The following DCLRE1B variants were observed in gnomAD, a reference collection of about 807,000 sequenced individuals.
The protein encoded by DCLRE1B is DNA cross-link repair 1B, also known as 5' exonuclease Apollo.
DCLRE1B carries 6 observed loss-of-function variants against 19.8 expected under a neutral mutation model. The observed-to-expected ratio is 0.30, with a 90% confidence interval of 0.17 to 0.60. The LOEUF is 0.60. Ranked by LOEUF, DCLRE1B falls within the 20% of genes least tolerant of loss-of-function variation. The probability of loss-of-function intolerance (pLI) is 0.87; values close to 1 mark genes in which losing one functional copy is unlikely to be tolerated. For missense variants in DCLRE1B, 622 were observed against 654.2 expected (o/e 0.95, Z 0.54); for synonymous variants, 258 against 255.7 (o/e 1.01, Z -0.09).
intron 3 of DCLRE1B, among the ~76,000 whole-genome samples, chr1:113,910,511 T>A (rs1386738562): frequency 1.3e-5 from 2 of 152,200 alleles, no homozygotes; most frequent in Non-Finnish European, 2.9e-5. Context: ...TTTTTTTGTT[T>A]TTTTTTAAGA....
chr1:113,912,451 T>C lies in DCLRE1B; in HGVS notation c.*260T>C. On this transcript the variant is annotated 3_prime_UTR_variant, in exon 4 of 4. Coordinates refer to ENST00000650450, the MANE Select transcript of DCLRE1B (RefSeq NM_022836.4). ...GAGTATGCGTGAGCAAATTAAAAGT[T>C]CTTTGAAGTCCTACAGTAACTTAAT... 2.8e-6 allele frequency: 1 copy of C among 354,764 alleles called. No homozygotes were observed. The highest frequency in any genetic ancestry group is 4.9e-5 in the East Asian group (1 of 20,618). The allele number at this position is 354,764 out of a possible 1,614,324, so 22.0% of individuals were successfully genotyped here.
chr1:113,904,777 C>G, upstream of DCLRE1B: 1 of 1,376,480 alleles, frequency 7.3e-7, no homozygotes, highest in East Asian at 2.3e-5. Flanking sequence ...GGCTCCTTCT[C>G]GTCCTGATGT....
chr1:113,906,928 T>C, intron 1 of DCLRE1B, 68 bp from the exon 2 acceptor site: 4 of 1,563,570 alleles, frequency 2.6e-6, no homozygotes, highest in Non-Finnish European at 2.6e-6. Context: ...ATGTAAGGGA[T>C]AGTCCCTGAC....
upstream of DCLRE1B, chr1:113,904,884 C>A: frequency 1.5e-6 from 1 of 666,592 alleles, no homozygotes; most frequent in Non-Finnish European, 2.7e-6. Flanking sequence ...CTGGCCCTGA[C>A]ACACTTCCAC....
chr1:113,905,234 T>G (rs28364565), upstream of DCLRE1B: 257 of 344,996 alleles, frequency 7.4e-4, 2 homozygotes, highest in African/African-American at 5.1e-3. Flanking sequence ...AACCTCTCAC[T>G]CTCCAGGCGC....
Position 113,907,152 on chromosome 1 carries a change from C to T in DCLRE1B, c.346C>T (p.Leu116Phe), listed in dbSNP as rs751930858. The change falls in exon 2 of 4, where the codon CTC (leucine) becomes TTC (phenylalanine). Residue 116 changes from leucine to phenylalanine, a missense_variant. Physicochemically the swap from Leu to Phe is conservative, Grantham distance 22. This residue lies in a region of DCLRE1B where 237 missense variants were observed against 223.8 expected (regional missense o/e 1.06). Coordinates refer to ENST00000650450, the MANE Select transcript of DCLRE1B (RefSeq NM_022836.4). ...CTTTGAAGGATATTTTGGAACCATC[C>T]TCTACACAGGTGGGCCTCTCAAGGA... is the stretch of plus-strand genomic sequence containing the variant. ...FLFEGYFGTI[L>F]YTGDFRYTPS... is the part of the protein sequence containing the mutation. 2 of 1,600,860 alleles carry T rather than the reference C, an allele frequency of 1.2e-6. No individual in the cohort carries two copies. Among genetic ancestry groups the T allele is most frequent in the Non-Finnish European group, 1.7e-6 (2 of 1,173,362 alleles).
At chr1:113,904,952 C>G (rs1180253179), upstream of DCLRE1B, 2 of 502,242 alleles carry the variant, frequency 4.0e-6, no homozygotes, top group Non-Finnish European at 7.3e-6. Context: ...CGTCGGCCGG[C>G]AGGCCGTTCG....
At chr1:113,906,088 G>C (rs896379566) in intron 1 of DCLRE1B, among the ~76,000 whole-genome samples, 13 of 115,920 alleles carry the variant, frequency 1.1e-4, no homozygotes, top group African/African-American at 4.2e-4. Flanking sequence ...ACGGAGTCTC[G>C]CTCTGTTGCC....
rs895943512 is a variant in DCLRE1B at position 113,913,577 on chromosome 1, G to A, written c.*1386G>A. On this transcript the variant is annotated 3_prime_UTR_variant, in exon 4 of 4. Coordinates refer to ENST00000650450, the MANE Select transcript of DCLRE1B (RefSeq NM_022836.4). ...ACCCTGAGCAATTACTTAAATTGTGGAGCCTAGTTCCTCATCTGTAAGATG... is the reference window on the plus strand; with the variant it reads ...ACCCTGAGCAATTACTTAAATTGTGAAGCCTAGTTCCTCATCTGTAAGATG... 2.0e-5 allele frequency: 3 copies of A among 152,606 alleles called. No individual in the cohort carries two copies. Among genetic ancestry groups the A allele is most frequent in the Non-Finnish European group, 4.4e-5 (3 of 68,034 alleles). 9.5% of individuals were successfully genotyped at this position (152,606 alleles called of 1,614,324 possible). A position where few individuals can be genotyped will look rare whatever the true frequency, so the allele number is the denominator to read the frequency against.
chr1:113,912,348 T>C lies in DCLRE1B; in HGVS notation c.*157T>C. On this transcript the variant is annotated 3_prime_UTR_variant, in exon 4 of 4. Coordinates refer to ENST00000650450, the MANE Select transcript of DCLRE1B (RefSeq NM_022836.4). ...GTGGAGCAGCACTTCCCAAAACTTG[T>C]TCACTGGGGTCCTCGTGCCTATGGA... 1 of 635,042 alleles carries C rather than the reference T, an allele frequency of 1.6e-6. No homozygotes were observed. The highest frequency in any genetic ancestry group is 2.7e-5 in the South Asian group (1 of 37,294). 39.3% of individuals were successfully genotyped at this position (635,042 alleles called of 1,614,324 possible). A position where few individuals can be genotyped will look rare whatever the true frequency, so the allele number is the denominator to read the frequency against.
rs1263849205 is a variant in DCLRE1B, at chr1:113,913,187, T to TCATA, written c.*997_*1000dup. 6.5e-5 allele frequency: 10 copies of TCATA among 152,874 alleles called. No homozygotes were observed. The South Asian group carries it at 1.2e-3, about 19-fold the overall frequency. 9.5% of individuals were successfully genotyped at this position (152,874 alleles called of 1,614,324 possible). A position where few individuals can be genotyped will look rare whatever the true frequency, so the allele number is the denominator to read the frequency against. On this transcript the variant is annotated 3_prime_UTR_variant, in exon 4 of 4. Transcript: ENST00000650450. ...TGTGCAGTCTGCCCTGTCCTTCTGC[T>TCATA]CATAACCTGACAAAATGCCAAACTA...
chr1:113,912,118 T>G lies in DCLRE1B; in HGVS notation c.1526T>G (p.Val509Gly). Residue 509 changes from valine to glycine, a missense_variant, in exon 4 of 4, where the codon GTG (valine) becomes GGG (glycine). Around this residue, in one of 3 missense-constraint regions of DCLRE1B, gnomAD observed 382 missense variants for 412.5 expected, o/e 0.93. Coordinates refer to ENST00000650450, the MANE Select transcript of DCLRE1B (RefSeq NM_022836.4). Reference sequence around the variant, plus strand: ...GCACTCAAATATCTTCTGACTCCAGTGAACTTTTTCCAGGCAGGGTATTCT... The same window carrying G: ...GCACTCAAATATCTTCTGACTCCAGGGAACTTTTTCCAGGCAGGGTATTCT... ...GLALKYLLTP[V>G]NFFQAGYSSR... The G allele has an allele frequency of 1.9e-6, 3 of 1,614,184 alleles. No homozygotes were observed. Among genetic ancestry groups the G allele is most frequent in the Non-Finnish European group, 2.5e-6 (3 of 1,180,026 alleles).
chr1:113,911,661 C>T lies in DCLRE1B; in HGVS notation c.1069C>T (p.Pro357Ser). 1 of 1,610,058 alleles carries T rather than the reference C, an allele frequency of 6.2e-7. No individual in the cohort carries two copies. Among genetic ancestry groups the T allele is most frequent in the Non-Finnish European group, 8.5e-7 (1 of 1,177,778 alleles). Residue 357 changes from proline (P) to serine (S), a missense_variant, in exon 4 of 4, where the codon CCT becomes TCT. By Grantham distance (74) the Pro-to-Ser change is moderately conservative. Transcript: ENST00000650450. ...AACCCAAGGTGTTGTGTTTGAATCCCCTGAGGAAAGTGCTGATCAATCTCA... is the reference window on the plus strand; with the variant it reads ...AACCCAAGGTGTTGTGTTTGAATCCTCTGAGGAAAGTGCTGATCAATCTCA... ...PRTQGVVFES[P>S]EESADQSQAD...
rs1167882879 is a variant in DCLRE1B, at chr1:113,913,943, TTAGA to T, written c.*1755_*1758del. ...CTTGATATCTTAAGCATTTCACTTA[TTAGA>T]TATTGTTCAAAAATGCCATTTTTAA... On this transcript the variant is annotated 3_prime_UTR_variant, in exon 4 of 4. Coordinates refer to ENST00000650450, the MANE Select transcript of DCLRE1B (RefSeq NM_022836.4). The T allele has an allele frequency of 7.2e-5, 11 of 152,202 alleles. No individual in the cohort carries two copies. Among genetic ancestry groups the T allele is most frequent in the African/African-American group, 2.4e-4 (10 of 41,450 alleles). The allele number at this position is 152,202 out of a possible 1,614,324, so 9.4% of individuals were successfully genotyped here.
intron 2 of DCLRE1B, 52 bp downstream of exon 2, chr1:113,907,213 T>TG: frequency 2.7e-6 from 3 of 1,097,208 alleles, no homozygotes; most frequent in African/African-American, 2.1e-5. Context: ...TGTTTTTTTT[T>TG]TTTTTTTTTT....
chr1:113,908,300 G>A, intron 3 of DCLRE1B, 109 bp downstream of exon 3: 3 of 1,412,668 alleles, frequency 2.1e-6, no homozygotes, highest in Non-Finnish European at 2.9e-6. Flanking sequence ...CTCCTACACT[G>A]ACCACCTTAT....
chr1:113,911,719 A>T lies in DCLRE1B; in HGVS notation c.1127A>T (p.Glu376Val). The change falls in exon 4 of 4, where the codon GAG becomes GTG. Residue 376 changes from glutamate (E) to valine (V), a missense_variant. Around this residue, in one of 3 missense-constraint regions of DCLRE1B, gnomAD observed 382 missense variants for 412.5 expected, o/e 0.93. Transcript: ENST00000650450. The part of the protein sequence containing the change: ...ADRDSKKAKK[E>V]KLSPWPADLE... Reference sequence around the variant, plus strand: ...AGAGACTCAAAGAAGGCCAAGAAAGAGAAACTTTCTCCCTGGCCTGCGGAC... The same window carrying T: ...AGAGACTCAAAGAAGGCCAAGAAAGTGAAACTTTCTCCCTGGCCTGCGGAC... The T allele has an allele frequency of 1.2e-5, 19 of 1,614,162 alleles. No individual in the cohort carries two copies. The highest frequency in any genetic ancestry group is 1.6e-5 in the Non-Finnish European group (19 of 1,180,026).
intron 3 of DCLRE1B, among the ~76,000 whole-genome samples, chr1:113,908,867 G>C (rs1017937142): frequency 1.3e-5 from 2 of 152,144 alleles, no homozygotes; most frequent in East Asian, 1.9e-4. Flanking sequence ...AAGAGACTTT[G>C]TGTGTTTGTG....
intron 1 of DCLRE1B, among the ~76,000 whole-genome samples, chr1:113,906,495 C>CTTTT (rs142277855): frequency 2.8e-5 from 4 of 141,692 alleles, no homozygotes; most frequent in Admixed American, 7.0e-5. Context: ...TTGCTGAACT[C>CTTTT]TTTTTTTTTT....
Sources: gnomAD v4.1 joint callset for allele counts (sites outside exome capture counted in the v4.1 genomes callset) on GRCh38, gnomAD v4.1.1 for gene constraint, gnomAD v4.1.1 regional missense constraint, MANE v1.5 for transcripts, NCBI Gene and HGNC (gene_info 2026-07-23, HGNC 2026-07-21) for gene names.